The following KRT9 variants were observed in gnomAD, a reference collection of about 807,000 sequenced individuals.
The protein encoded by KRT9 is keratin 9.
A neutral mutation model predicts 51.4 loss-of-function variants in KRT9; 34 were observed. That is an observed-to-expected ratio of 0.66 (90% CI 0.50 to 0.88). The LOEUF (loss-of-function observed/expected upper bound fraction) is 0.88. KRT9 is among the 40% of genes least tolerant of loss of function. The pLI, the probability that KRT9 is intolerant of heterozygous loss-of-function variation, is 0.00. For synonymous variants in KRT9, 292 were observed against 289.7 expected (o/e 1.01, Z -0.08); for missense variants, 753 against 790.3 (o/e 0.95, Z 0.57).
chr17:41,568,703 T>C (rs1264937490), intron 4 of KRT9, 70 bp from the exon 5 acceptor site: 1 of 1,598,028 alleles, frequency 6.3e-7, no homozygotes, highest in Non-Finnish European at 8.6e-7. Context: ...TCTGCCCCAT[T>C]CACCAGGATC....
chr17:41,568,492 T>G lies in KRT9; in HGVS notation c.1170+16A>C, dbSNP rs774226261. 5 of 1,614,054 alleles carry G rather than the reference T, an allele frequency of 3.1e-6. No individual in the cohort carries two copies. The highest frequency in any genetic ancestry group is 4.2e-6 in the Non-Finnish European group (5 of 1,180,036). ...GTGCCCCACCTTGGCAAAGGGTCTA[T>G]AGCAGAACTACCAACCTTGCTGAGC... On this transcript the variant is annotated intron_variant, in intron 5 of 7. Coordinates refer to ENST00000246662, the MANE Select transcript of KRT9 (RefSeq NM_000226.4).
intron 6 of KRT9, 99 bp downstream of exon 6, chr17:41,568,063 G>T: frequency 1.8e-6 from 2 of 1,129,282 alleles, no homozygotes; most frequent in Non-Finnish European, 2.6e-6. Flanking sequence ...AAGACCCTGT[G>T]TATAAGAACT....
chr17:41,568,044 T>A, intron 6 of KRT9, 118 bp downstream of exon 6: 1 of 1,030,354 alleles, frequency 9.7e-7, no homozygotes, highest in Non-Finnish European at 1.4e-6. Flanking sequence ...GAAGAAGTCC[T>A]CAACCCATAA....
At chr17:41,568,907 AACAT>A (rs1258564512) in intron 4 of KRT9, among the ~76,000 whole-genome samples, 1 of 81,638 alleles carries the variant, frequency 1.2e-5, no homozygotes, top group African/African-American at 4.8e-5. Context: ...CCACCTTTCA[AACAT>A]ACACACACAC....
At chr17:41,571,261 T>C (rs1334844005) in intron 1 of KRT9, 90 bp downstream of exon 1, 1 of 1,184,166 alleles carries the variant, frequency 8.4e-7, no homozygotes, top group East Asian at 2.3e-5. Flanking sequence ...CTGGCTATTA[T>C]CTGAGCTTAG....
intron 1 of KRT9, among the ~76,000 whole-genome samples, chr17:41,570,866 G>A (rs1474026435): frequency 6.6e-6 from 1 of 152,212 alleles, no homozygotes; most frequent in Non-Finnish European, 1.5e-5. Context: ...CATGTGGGTG[G>A]AGGGAGGAAG....
rs1188481217 is a variant in KRT9 at position 41,570,194 on chromosome 17, G to C, written c.669C>G (p.Asn223Lys). Residue 223 changes from asparagine to lysine, a missense_variant, in exon 2 of 8, where the codon AAC becomes AAG. Transcript: ENST00000246662. ...TGTTGTCAATGTCCAGGAGAGTTTT[G>C]TTGTTGCCCACTGTCAGGTCCACAA... ...DQIVDLTVGNNKTLLDIDNTR... is the reference protein window; with the variant it reads ...DQIVDLTVGNKKTLLDIDNTR... 1 of 1,613,912 alleles carries C rather than the reference G, an allele frequency of 6.2e-7. No homozygotes were observed. The highest frequency in any genetic ancestry group is 2.2e-5 in the East Asian group (1 of 44,892).
intron 4 of KRT9, 107 bp downstream of exon 4, chr17:41,569,319 G>A: frequency 3.7e-6 from 4 of 1,095,658 alleles, no homozygotes; most frequent in Middle Eastern, 4.7e-4. Context: ...AATGACAGCT[G>A]CACTGAGAGA....
At chr17:41,569,281 A>G (rs1244169681) in intron 4 of KRT9, 145 bp downstream of exon 4, 1 of 846,596 alleles carries the variant, frequency 1.2e-6, no homozygotes, top group African/African-American at 1.7e-5. Context: ...ATGAAGATGG[A>G]TGAATGACTT....
intron 4 of KRT9, 129 bp downstream of exon 4, chr17:41,569,297 G>C: frequency 1.1e-6 from 1 of 949,382 alleles, no homozygotes; most frequent in Non-Finnish European, 1.7e-6. Context: ...GACTTCCATT[G>C]GAAGATGGAT....
intron 1 of KRT9, 76 bp downstream of exon 1, chr17:41,571,275 T>C: frequency 7.7e-7 from 1 of 1,300,484 alleles, no homozygotes; most frequent in Non-Finnish European, 1.1e-6. Context: ...AGCTTAGAGT[T>C]TAGCATTTTA....
chr17:41,570,640 A>G (rs2144571353), intron 1 of KRT9, among the ~76,000 whole-genome samples: 1 of 152,348 alleles, frequency 6.6e-6, no homozygotes, highest in East Asian at 1.9e-4. Context: ...CTAAGATGTA[A>G]CATTAATAAA....
Position 41,569,997 on chromosome 17 carries a change from G to T in KRT9, c.744C>A (p.Asn248Lys). The change falls in exon 3 of 8, where the codon AAC becomes AAA. Residue 248 changes from asparagine to lysine, a missense_variant. Coordinates refer to ENST00000246662, the MANE Select transcript of KRT9 (RefSeq NM_000226.4). ...DFRIKFEMEQ[N>K]LRQGVDADIN... ...TGTCAGCATCCACTCCTTGCCGCAG[G>T]TTTTGCTCCATCTCAAACCTGCAGA... 6.2e-7 allele frequency: 1 copy of T among 1,614,150 alleles called. No individual in the cohort carries two copies. Among genetic ancestry groups the T allele is most frequent in the Non-Finnish European group, 8.5e-7 (1 of 1,180,040 alleles).
At chr17:41,571,203 C>T (rs1907065701) in intron 1 of KRT9, 148 bp downstream of exon 1, 2 of 825,666 alleles carry the variant, frequency 2.4e-6, no homozygotes, top group African/African-American at 1.7e-5. Context: ...AGAAACCAAA[C>T]ACAAGTTTGT....
Position 41,569,570 on chromosome 17 carries a change from A to G in KRT9, c.900T>C (p.Thr300=). 1 of 1,613,892 alleles carries G rather than the reference A, an allele frequency of 6.2e-7. No individual in the cohort carries two copies. The highest frequency in any genetic ancestry group is 8.5e-7 in the Non-Finnish European group (1 of 1,180,020). The part of the protein sequence containing the change: ...KNHKEEMSQL[T]GQNSGDVNVE... ...CATTGACATCTCCACTGTTCTGCCC[A>G]GTCAGCTGACTCATCTCCTGCCAGG... The change falls in exon 4 of 8, where the codon ACT becomes ACC. Residue 300 remains threonine (T), a synonymous_variant. Coordinates refer to ENST00000246662, the MANE Select transcript of KRT9 (RefSeq NM_000226.4).
At position 41,571,665 on chromosome 17, in the gene KRT9, C is replaced by T; in HGVS notation, c.328G>A (p.Gly110Ser). 6.2e-7 allele frequency: 1 copy of T among 1,604,756 alleles called. No homozygotes were observed. The highest frequency in any genetic ancestry group is 8.5e-7 in the Non-Finnish European group (1 of 1,175,514). Residue 110 changes from glycine (G) to serine (S), a missense_variant, in exon 1 of 8, where the codon GGT (glycine) becomes AGT (serine). Gly to Ser is a moderately conservative substitution (Grantham distance 56). Around this residue, in one of 3 missense-constraint regions of KRT9, gnomAD observed 241 missense variants for 210.3 expected, o/e 1.15. Transcript: ENST00000246662. The stretch of plus-strand genomic sequence containing the variant: ...CCACCACCAAAGCCACCTCCAAAAC[C>T]CCCAGAACTACTATAGCCTCCTCCA... ...ASGGGYSSSG[G>S]FGGGFGGGSG...
At position 41,570,603 on chromosome 17, in the gene KRT9, G is replaced by A. The variant is rs113956473; in HGVS notation, c.643-383C>T. 2.0e-5 allele frequency among the ~76,000 whole-genome samples: 3 copies of A among 152,182 alleles called. No homozygotes were observed. The South Asian group carries it at 6.2e-4, about 31-fold the overall frequency. On this transcript the variant is annotated intron_variant, in intron 1 of 7. Coordinates refer to ENST00000246662, the MANE Select transcript of KRT9 (RefSeq NM_000226.4). Reference sequence around the variant, plus strand: ...AAAGACTTCAGGAAGGAGGTGGCTGGCAATTGAATTGGGCCCTGAAGGATG... The same window carrying A: ...AAAGACTTCAGGAAGGAGGTGGCTGACAATTGAATTGGGCCCTGAAGGATG...
intron 4 of KRT9, 146 bp downstream of exon 4, chr17:41,569,280 G>C: frequency 1.2e-6 from 1 of 842,072 alleles, no homozygotes; most frequent in African/African-American, 1.7e-5. Context: ...AATGAAGATG[G>C]ATGAATGACT....
At chr17:41,568,732 G>T in intron 4 of KRT9, 99 bp from the exon 5 acceptor site, 1 of 1,496,198 alleles carries the variant, frequency 6.7e-7, no homozygotes, top group Non-Finnish European at 9.3e-7. Flanking sequence ...CAGGGCCAAG[G>T]CTGATCTGAA....
Sources: gnomAD v4.1 joint callset for allele counts (sites outside exome capture counted in the v4.1 genomes callset) on GRCh38, gnomAD v4.1.1 for gene constraint, gnomAD v4.1.1 regional missense constraint, MANE v1.5 for transcripts, NCBI Gene and HGNC (gene_info 2026-07-23, HGNC 2026-07-21) for gene names.